The following PARD3B variants were observed in gnomAD, a reference collection of about 807,000 sequenced individuals.
PARD3B encodes the protein par-3 family cell polarity regulator beta, also known as partitioning defective 3 homolog B.
A neutral mutation model predicts 130.2 loss-of-function variants in PARD3B; 103 were observed. The observed-to-expected ratio is 0.79, with a 90% CI of 0.67 to 0.93. PARD3B has a LOEUF of 0.93. Among genes scored for constraint, PARD3B ranks in the 40% least tolerant of loss-of-function variants. The probability of loss-of-function intolerance (pLI) is 0.00; values close to 1 mark genes in which losing one functional copy is unlikely to be tolerated. For missense variants in PARD3B, 1,609 were observed against 1,499.2 expected, an observed-to-expected ratio of 1.07 and a Z score of -1.21; for synonymous variants, 583 against 553.2, an observed-to-expected ratio of 1.05 and a Z score of -0.76.
intron 1 of PARD3B, among the ~76,000 whole-genome samples, chr2:204,574,664 A>G (rs2032165285): frequency 6.6e-6 from 1 of 152,206 alleles, no homozygotes; most frequent in South Asian, 2.1e-4. Context: ...TATCTGTAAG[A>G]TGGCGTTGCA....
chr2:205,116,594 C>T lies in PARD3B; in HGVS notation c.681-2327C>T, dbSNP rs1575832270. Among the ~76,000 whole-genome samples the T allele has an allele frequency of 6.6e-6, 1 of 152,112 alleles. No homozygotes were observed. Among genetic ancestry groups the T allele is most frequent in the Non-Finnish European group, 1.5e-5 (1 of 68,028 alleles). Reference sequence around the variant, plus strand: ...CGACAGCATTAATCTTTAAATTCTGCGAGTCTTGGTCCCAAATGAGACAGC... The same window carrying T: ...CGACAGCATTAATCTTTAAATTCTGTGAGTCTTGGTCCCAAATGAGACAGC... On this transcript the variant is annotated intron_variant, in intron 6 of 22. Transcript: ENST00000406610. The surrounding 1 kb of genome is among the most constrained non-coding windows in gnomAD (Gnocchi z 4.5).
intron 15 of PARD3B, among the ~76,000 whole-genome samples, chr2:205,209,136 A>G (rs1201155137): frequency 7.2e-6 from 1 of 139,124 alleles, no homozygotes; most frequent in African/African-American, 2.8e-5. Context: ...TCCCTATTTA[A>G]TAAATGGTGC....
chr2:204,653,251 C>T (rs1055633116), intron 1 of PARD3B, among the ~76,000 whole-genome samples: 1 of 147,542 alleles, frequency 6.8e-6, no homozygotes, highest in Non-Finnish European at 1.5e-5. Flanking sequence ...AAACGTACAC[C>T]TGTACCCCTG....
chr2:205,094,700 T>C (rs1418932379), intron 4 of PARD3B, among the ~76,000 whole-genome samples: 1 of 152,204 alleles, frequency 6.6e-6, no homozygotes, highest in Non-Finnish European at 1.5e-5. Flanking sequence ...TGTGTTGGCA[T>C]GCGTGAAATG....
At chr2:205,476,624 GTTTT>G (rs1240441054) in intron 20 of PARD3B, among the ~76,000 whole-genome samples, 1 of 151,208 alleles carries the variant, frequency 6.6e-6, no homozygotes, top group Non-Finnish European at 1.5e-5. Context: ...TTTTTTGTTT[GTTTT>G]TTTGTTTGTT....
intron 18 of PARD3B, among the ~76,000 whole-genome samples, chr2:205,347,455 A>C (rs2105832423): frequency 6.6e-6 from 1 of 152,342 alleles, no homozygotes; most frequent in South Asian, 2.1e-4. Context: ...AGGCTGTAAA[A>C]ATTTATGCTA....
chr2:204,624,947 T>C (rs2034434741), intron 1 of PARD3B, among the ~76,000 whole-genome samples: 1 of 152,176 alleles, frequency 6.6e-6, no homozygotes, highest in South Asian at 2.1e-4. Context: ...TGTAGTGATA[T>C]CTCATTGTGG....
chr2:205,212,714 A>G (rs765741407), intron 15 of PARD3B, among the ~76,000 whole-genome samples: 6 of 152,140 alleles, frequency 3.9e-5, no homozygotes, highest in Non-Finnish European at 8.8e-5. Flanking sequence ...CAGCACTGCA[A>G]TATGCCTCCA....
chr2:205,555,775 G>GAATA (rs2052855044), intron 22 of PARD3B, among the ~76,000 whole-genome samples: 2 of 152,220 alleles, frequency 1.3e-5, no homozygotes, highest in South Asian at 4.1e-4. Context: ...CCATGGTGGA[G>GAATA]AATAAATAGG....
In PARD3B at chr2:205,446,889, G is replaced by A. The variant is rs947592979; in HGVS notation, c.3044+6217G>A. On this transcript the variant is annotated intron_variant, in intron 20 of 22. Coordinates refer to ENST00000406610, the MANE Select transcript of PARD3B (RefSeq NM_001302769.2). This position sits in a 1 kb window ranked among gnomAD's most constrained non-coding sequence, Gnocchi z 4.4. ...GAACATGAAAACTTTATGTCTGGAT[G>A]AGGACAAAACAGTTCCAAATAGGGG... 2.0e-5 allele frequency among the ~76,000 whole-genome samples: 3 copies of A among 152,200 alleles called. No individual in the cohort carries two copies. Among genetic ancestry groups the A allele is most frequent in the Non-Finnish European group, 4.4e-5 (3 of 68,032 alleles).
At chr2:205,004,598 T>A (rs1368675993) in intron 3 of PARD3B, among the ~76,000 whole-genome samples, 2 of 152,198 alleles carry the variant, frequency 1.3e-5, no homozygotes, top group Non-Finnish European at 2.9e-5. Context: ...GGAAATGAAA[T>A]GAAATGAGGG....
intron 18 of PARD3B, among the ~76,000 whole-genome samples, chr2:205,359,777 C>G (rs569824485): frequency 6.6e-6 from 1 of 152,196 alleles, no homozygotes; most frequent in Non-Finnish European, 1.5e-5. Flanking sequence ...ATATGGACAT[C>G]TGCTTAGCTT....
chr2:205,249,018 T>G (rs887327305), intron 16 of PARD3B, among the ~76,000 whole-genome samples: 3 of 146,312 alleles, frequency 2.1e-5, no homozygotes, highest in African/African-American at 7.6e-5. Context: ...TTTTTTTTTT[T>G]TTTTTTTTTG....
At chr2:205,402,341 A>G (rs1433479584) in intron 19 of PARD3B, among the ~76,000 whole-genome samples, 1 of 152,214 alleles carries the variant, frequency 6.6e-6, no homozygotes. Flanking sequence ...GTAAAATGTA[A>G]TCCAGGCTGA....
At chr2:205,415,085 C>T (rs552374177) in intron 19 of PARD3B, among the ~76,000 whole-genome samples, 10 of 152,106 alleles carry the variant, frequency 6.6e-5, no homozygotes, top group African/African-American at 2.4e-4. Context: ...TTGTAATGGT[C>T]ACATAAATGA....
intron 21 of PARD3B, among the ~76,000 whole-genome samples, chr2:205,521,016 A>G (rs2051024813): frequency 6.6e-6 from 1 of 151,114 alleles, no homozygotes; most frequent in South Asian, 2.1e-4. Flanking sequence ...ATTATCTAGT[A>G]TGAGGCGATG....
At chr2:204,791,403 C>G (rs1353436587) in intron 2 of PARD3B, among the ~76,000 whole-genome samples, 1 of 152,118 alleles carries the variant, frequency 6.6e-6, no homozygotes, top group African/African-American at 2.4e-5. Flanking sequence ...AAATGAGTTG[C>G]TATTCATGAT....
At chr2:204,981,163 A>G (rs1692633551) in intron 3 of PARD3B, among the ~76,000 whole-genome samples, 1 of 152,198 alleles carries the variant, frequency 6.6e-6, no homozygotes, top group Non-Finnish European at 1.5e-5. Context: ...CTGTTTGAGT[A>G]TCCACTGAAA....
chr2:204,703,775 A>G (rs1441112498), intron 2 of PARD3B, among the ~76,000 whole-genome samples: 2 of 152,190 alleles, frequency 1.3e-5, no homozygotes, highest in South Asian at 4.1e-4. Context: ...CACACTGAGA[A>G]TGTACACCAC....
Sources: gnomAD v4.1 joint callset for allele counts (sites outside exome capture counted in the v4.1 genomes callset) on GRCh38, gnomAD v4.1.1 for gene constraint, Gnocchi (gnomAD v3.1) non-coding constraint, MANE v1.5 for transcripts, NCBI Gene and HGNC (gene_info 2026-07-23, HGNC 2026-07-21) for gene names.